The following NMT2 variants were observed in gnomAD, a reference collection of about 807,000 sequenced individuals.
NMT2 encodes the protein N-myristoyltransferase 2.
A neutral mutation model predicts 65.4 loss-of-function variants in NMT2; 35 were observed. The ratio of observed to expected loss-of-function variants is 0.54; its 90% CI spans 0.41 to 0.71. NMT2 has a LOEUF of 0.71. Among genes scored for constraint, NMT2 ranks in the 30% least tolerant of loss-of-function variants. NMT2 has a pLI of 0.00. For missense variants in NMT2, 489 were observed against 611.3 expected, an observed-to-expected ratio of 0.80 and a Z score of 2.11; for synonymous variants, 226 against 231.8, an observed-to-expected ratio of 0.98 and a Z score of 0.23.
chr10:15,150,177 A>C (rs529071967), intron 1 of NMT2, among the ~76,000 whole-genome samples: 6 of 152,316 alleles, frequency 3.9e-5, no homozygotes, highest in African/African-American at 1.2e-4. Context: ...AAGAGAATTC[A>C]CACCCACCGT....
intron 1 of NMT2, among the ~76,000 whole-genome samples, chr10:15,145,075 CAA>C (rs1197679178): frequency 1.3e-5 from 2 of 151,988 alleles, no homozygotes; most frequent in East Asian, 1.9e-4. Flanking sequence ...ATAAAAAAAA[CAA>C]AGAGTCGATA....
intron 1 of NMT2, among the ~76,000 whole-genome samples, chr10:15,157,804 G>A (rs1008176746): frequency 6.6e-6 from 1 of 152,092 alleles, no homozygotes; most frequent in African/African-American, 2.4e-5. Context: ...AGGTGTTCAG[G>A]TTGGTAATCA....
At chr10:15,120,013 A>T (rs1335036472) in intron 8 of NMT2, among the ~76,000 whole-genome samples, 1 of 152,166 alleles carries the variant, frequency 6.6e-6, no homozygotes, top group Non-Finnish European at 1.5e-5. Context: ...TAGACGAAAA[A>T]TATTCGGGGA....
At position 15,107,655 on chromosome 10, in the gene NMT2, A is replaced by G. The variant is rs1436043125; in HGVS notation, c.*1540T>C. 5.5e-6 allele frequency: 3 copies of G among 548,452 alleles called. No individual in the cohort carries two copies. The highest frequency in any genetic ancestry group is 4.1e-5 in the African/African-American group (2 of 48,302). The allele number at this position is 548,452 out of a possible 1,614,324, so 34.0% of individuals were successfully genotyped here. On this transcript the variant is annotated 3_prime_UTR_variant, in exon 12 of 12. Coordinates refer to ENST00000378165, the MANE Select transcript of NMT2 (RefSeq NM_004808.3). ...TTTTTAGTAGAGATGGGGTTTCACC[A>G]TGTTGGCCAGGCTGGTCTCGAACCC...
At position 15,107,912 on chromosome 10, in the gene NMT2, T is replaced by A. The variant is rs1845361200; in HGVS notation, c.*1283A>T. 2 of 985,456 alleles carry A rather than the reference T, an allele frequency of 2.0e-6. No homozygotes were observed. Among genetic ancestry groups the A allele is most frequent in the African/African-American group, 1.7e-5 (1 of 57,244 alleles). The allele number at this position is 985,456 out of a possible 1,614,324, so 61.0% of individuals were successfully genotyped here. ...AAAAACACCATCAGTAACAAAATTA[T>A]GAATACTTATTTACAAATAAGACAT... is the stretch of plus-strand genomic sequence containing the variant. On this transcript the variant is annotated 3_prime_UTR_variant, in exon 12 of 12. Coordinates refer to ENST00000378165, the MANE Select transcript of NMT2 (RefSeq NM_004808.3).
intron 1 of NMT2, among the ~76,000 whole-genome samples, chr10:15,165,750 C>T (rs1833356361): frequency 1.3e-5 from 2 of 151,750 alleles, no homozygotes; most frequent in African/African-American, 4.8e-5. Context: ...TGGTGCCACG[C>T]GCCTGTAATC....
rs1212426157 is a variant in NMT2, at chr10:15,132,830, G to A, written c.706C>T (p.Arg236Trp). Residue 236 changes from arginine to tryptophan, a missense_variant, in exon 6 of 12, where the codon CGG becomes TGG. Transcript: ENST00000378165. ...GFISAIPANI[R>W]IYDSVKKMVE... Reference sequence around the variant, plus strand: ...TTAAACATGTACCTGTCATAAATCCGAATGTTTGCTGGGATGGCACTTATG... The same window carrying A: ...TTAAACATGTACCTGTCATAAATCCAAATGTTTGCTGGGATGGCACTTATG... The A allele has an allele frequency of 3.1e-6, 5 of 1,609,294 alleles. No individual in the cohort carries two copies. The highest frequency in any genetic ancestry group is 1.3e-5 in the African/African-American group (1 of 74,784).
At chr10:15,160,727 T>A (rs553528466) in intron 1 of NMT2, among the ~76,000 whole-genome samples, 1 of 151,958 alleles carries the variant, frequency 6.6e-6, no homozygotes, top group African/African-American at 2.4e-5. Context: ...TGAGCAAAGA[T>A]GACGACACTG....
intron 8 of NMT2, among the ~76,000 whole-genome samples, chr10:15,125,752 T>C (rs187972436): frequency 3.0e-4 from 45 of 152,216 alleles, no homozygotes; most frequent in African/African-American, 9.6e-4. Context: ...CTGCAACCTG[T>C]GCCTCCTAGG....
intron 1 of NMT2, among the ~76,000 whole-genome samples, chr10:15,159,170 TC>T (rs1222287672): frequency 6.6e-6 from 1 of 152,138 alleles, no homozygotes; most frequent in Non-Finnish European, 1.5e-5. Flanking sequence ...GCCTGGATAA[TC>T]CCTTTCTTGG....
chr10:15,149,940 T>C (rs924343135), intron 1 of NMT2, among the ~76,000 whole-genome samples: 1 of 152,234 alleles, frequency 6.6e-6, no homozygotes, highest in Non-Finnish European at 1.5e-5. Context: ...TTTTTAGGTC[T>C]TTTGTAAACT....
chr10:15,135,579 T>C (rs1205461820), intron 2 of NMT2, among the ~76,000 whole-genome samples, 161 bp from the exon 3 acceptor site: 2 of 152,116 alleles, frequency 1.3e-5, no homozygotes, highest in South Asian at 2.1e-4. Flanking sequence ...CACATGAAAA[T>C]AGAAGCAAAC....
intron 1 of NMT2, chr10:15,155,231 T>C: frequency 6.6e-7 from 1 of 1,511,920 alleles, no homozygotes. Flanking sequence ...TTTCTGTCTT[T>C]GGAAACTTGT....
intron 9 of NMT2, among the ~76,000 whole-genome samples, chr10:15,118,149 G>GT (rs1274543009): frequency 1.3e-5 from 2 of 152,198 alleles, no homozygotes; most frequent in Non-Finnish European, 2.9e-5. Flanking sequence ...GGTCAGTGTG[G>GT]TATTAGTGAA....
At chr10:15,116,458 T>C (rs1845750150) in intron 9 of NMT2, among the ~76,000 whole-genome samples, 1 of 152,114 alleles carries the variant, frequency 6.6e-6, no homozygotes, top group Non-Finnish European at 1.5e-5. Context: ...TAGAACTAAA[T>C]GCTTACTAGT....
intron 1 of NMT2, among the ~76,000 whole-genome samples, chr10:15,143,759 G>C (rs1037123989): frequency 6.6e-6 from 1 of 152,150 alleles, no homozygotes; most frequent in Non-Finnish European, 1.5e-5. Flanking sequence ...TACTTGGGAG[G>C]CTAAGGTGGG....
intron 1 of NMT2, among the ~76,000 whole-genome samples, chr10:15,142,909 T>C (rs1846826557): frequency 6.6e-6 from 1 of 152,178 alleles, no homozygotes; most frequent in African/African-American, 2.4e-5. Context: ...GTAGGACTAT[T>C]TTAGGCTTTC....
chr10:15,127,542 G>A (rs188508022), intron 8 of NMT2, among the ~76,000 whole-genome samples: 19,471 of 54,990 alleles, frequency 0.35, 3,356 homozygotes, highest in African/African-American at 0.61. Flanking sequence ...GTGAGACTCC[G>A]TCTCAAAAAA....
In NMT2 at chr10:15,127,503, C is replaced by T. The variant is rs536987117; in HGVS notation, c.999+847G>A. 3.2e-3 allele frequency among the ~76,000 whole-genome samples: 400 copies of T among 123,806 alleles called. 6 individuals carry two copies. The highest frequency in any genetic ancestry group is 0.012 in the African/African-American group (369 of 31,164). The allele number at this position is 123,806 out of a possible 152,430, so 81.2% of individuals were successfully genotyped here. A position where few individuals can be genotyped will look rare whatever the true frequency, so the allele number is the denominator to read the frequency against. On this transcript the variant is annotated intron_variant, in intron 8 of 11. Coordinates refer to ENST00000378165, the MANE Select transcript of NMT2 (RefSeq NM_004808.3). ...TGGAGCTTGCAGTGAGCCGAGATCC[C>T]GCCACTGCACTCCAGCCTGGGCGAC...
Sources: allele counts gnomAD v4.1 joint callset (sites outside exome capture counted in the v4.1 genomes callset), GRCh38; gene constraint gnomAD v4.1.1; transcripts MANE v1.5; gene names NCBI Gene and HGNC (gene_info 2026-07-23, HGNC 2026-07-21).